The following SLC14A2 variants were observed in gnomAD, a reference collection of about 807,000 sequenced individuals.
SLC14A2 encodes the protein solute carrier family 14 member 2.
Under a neutral mutation model 104.6 loss-of-function variants are expected in SLC14A2, and 91 were observed. The ratio of observed to expected loss-of-function variants is 0.87; its 90% CI spans 0.73 to 1.04. The LOEUF (loss-of-function observed/expected upper bound fraction) is 1.04. SLC14A2 is among the 50% of genes least tolerant of loss of function. The pLI is 0.00. For missense variants in SLC14A2, 1,189 were observed against 1,156.0 expected, an observed-to-expected ratio of 1.03 and a Z score of -0.41; for synonymous variants, 476 against 466.4, an observed-to-expected ratio of 1.02 and a Z score of -0.27.
chr18:45,277,212 A>G (rs1332991551), intron 1 of SLC14A2, among the ~76,000 whole-genome samples: 1 of 152,178 alleles, frequency 6.6e-6, no homozygotes, highest in African/African-American at 2.4e-5. Context: ...TAGCTGTATG[A>G]CCTCGGACAA....
At chr18:45,329,322 G>GGGGAGC (rs1338569190) in intron 1 of SLC14A2, among the ~76,000 whole-genome samples, 8 of 152,134 alleles carry the variant, frequency 5.3e-5, no homozygotes, top group Non-Finnish European at 1.5e-5. Flanking sequence ...GACTGAACTT[G>GGGGAGC]GGGAGCCTTA....
At chr18:45,586,292 C>T (rs930680326) in intron 2 of SLC14A2, among the ~76,000 whole-genome samples, 4 of 152,066 alleles carry the variant, frequency 2.6e-5, no homozygotes, top group Admixed American at 2.6e-4. Flanking sequence ...GTGCAAAGGC[C>T]CTGAGGCAGC....
chr18:45,674,266 T>A (rs185184839), intron 18 of SLC14A2, among the ~76,000 whole-genome samples: 1 of 152,334 alleles, frequency 6.6e-6, no homozygotes, highest in East Asian at 1.9e-4. Flanking sequence ...GTTATATGAC[T>A]GGAAACCAAA....
intron 1 of SLC14A2, among the ~76,000 whole-genome samples, chr18:45,454,307 C>T (rs2086906440): frequency 1.3e-5 from 2 of 152,202 alleles, no homozygotes; most frequent in African/African-American, 4.8e-5. Flanking sequence ...TCCAGGTTCA[C>T]AGAGCTGTCT....
At chr18:45,233,512 G>C (rs1208662772) in intron 1 of SLC14A2, among the ~76,000 whole-genome samples, 1 of 152,116 alleles carries the variant, frequency 6.6e-6, no homozygotes, top group African/African-American at 2.4e-5. Flanking sequence ...CCTATTTCAT[G>C]GTCTTGCCCG....
chr18:45,598,920 C>A lies in SLC14A2; in HGVS notation c.-34-25711C>A, dbSNP rs66528651. ...AACTTTCTTACCCCAAGGGAAGGCT[C>A]TTCCTCCCAAGTATAATATTAAACT... On this transcript the variant is annotated intron_variant, in intron 2 of 20. Transcript: ENST00000586448. Among the ~76,000 whole-genome samples the A allele has an allele frequency of 4.6e-5, 7 of 152,268 alleles. 1 individual carries two copies. Among genetic ancestry groups the A allele is most frequent in the Admixed American group, 1.3e-4 (2 of 15,308 alleles).
At chr18:45,332,854 C>G (rs1471270376) in intron 1 of SLC14A2, among the ~76,000 whole-genome samples, 1 of 152,158 alleles carries the variant, frequency 6.6e-6, no homozygotes, top group African/African-American at 2.4e-5. Flanking sequence ...AGGGCTTGGT[C>G]CTGGTGACAT....
At chr18:45,325,129 A>G (rs572097919) in intron 1 of SLC14A2, among the ~76,000 whole-genome samples, 3 of 152,308 alleles carry the variant, frequency 2.0e-5, no homozygotes, top group African/African-American at 7.2e-5. Context: ...AAAACAATGA[A>G]AATTTAGGTG....
At chr18:45,442,524 C>A (rs2086696987) in intron 1 of SLC14A2, among the ~76,000 whole-genome samples, 1 of 152,128 alleles carries the variant, frequency 6.6e-6, no homozygotes, top group East Asian at 1.9e-4. Context: ...TCTCTATATC[C>A]AAATTTCCTC....
chr18:45,673,677 T>G lies in SLC14A2; in HGVS notation c.2378-6T>G. On this transcript the variant is annotated splice_polypyrimidine_tract_variant and splice_region_variant and intron_variant, in intron 17 of 19. Coordinates refer to ENST00000255226, the MANE Select transcript of SLC14A2 (RefSeq NM_007163.4). ...ACCCAACCCTGATGCCTGCCTTCTGTCACAGCACTCACTATTGCGACGCCC... is the reference window on the plus strand; with the variant it reads ...ACCCAACCCTGATGCCTGCCTTCTGGCACAGCACTCACTATTGCGACGCCC... The G allele has an allele frequency of 1.9e-5, 31 of 1,613,494 alleles. No homozygotes were observed. The highest frequency in any genetic ancestry group is 2.6e-5 in the Non-Finnish European group (31 of 1,179,458).
chr18:45,280,316 AGGG>A (rs1200991355), intron 1 of SLC14A2, among the ~76,000 whole-genome samples: 1 of 152,124 alleles, frequency 6.6e-6, no homozygotes, highest in Admixed American at 6.5e-5. Flanking sequence ...TGGGAGGAAA[AGGG>A]GCCTCAGTTC....
chr18:45,382,278 T>C (rs2085846840), intron 1 of SLC14A2, among the ~76,000 whole-genome samples: 2 of 147,036 alleles, frequency 1.4e-5, no homozygotes, highest in East Asian at 2.1e-4. Context: ...GTGCTAGATG[T>C]TGGGAATACA....
At chr18:45,232,531 C>T (rs1187747979) in intron 1 of SLC14A2, among the ~76,000 whole-genome samples, 1 of 152,152 alleles carries the variant, frequency 6.6e-6, no homozygotes, top group Admixed American at 6.6e-5. Context: ...TGTTCTAATT[C>T]TCTGGCATTC....
chr18:45,309,456 A>T (rs1002731712), intron 1 of SLC14A2, among the ~76,000 whole-genome samples: 1 of 146,294 alleles, frequency 6.8e-6, no homozygotes, highest in Admixed American at 6.7e-5. Context: ...CCCATTGTAC[A>T]GATGGATGAT....
At chr18:45,509,326 A>G (rs984183969) in intron 2 of SLC14A2, among the ~76,000 whole-genome samples, 42 of 151,762 alleles carry the variant, frequency 2.8e-4, no homozygotes, top group African/African-American at 2.4e-4. Flanking sequence ...CTGGCCATCA[A>G]TATCTGCTTG....
chr18:45,593,477 T>C (rs2044679698), intron 2 of SLC14A2, among the ~76,000 whole-genome samples: 1 of 146,398 alleles, frequency 6.8e-6, no homozygotes, highest in Admixed American at 7.2e-5. Context: ...AACTAAGCAT[T>C]TCCTTAATCT....
intron 1 of SLC14A2, among the ~76,000 whole-genome samples, chr18:45,286,155 C>T (rs1441002099): frequency 6.6e-6 from 1 of 152,208 alleles, no homozygotes; most frequent in Admixed American, 6.5e-5. Flanking sequence ...CAAGACTGGT[C>T]TTCCAAACTT....
At chr18:45,450,745 G>T (rs1267094180) in intron 1 of SLC14A2, among the ~76,000 whole-genome samples, 1 of 152,194 alleles carries the variant, frequency 6.6e-6, no homozygotes, top group East Asian at 1.9e-4. Flanking sequence ...TAGCCTCTGT[G>T]CTTGTCTTAG....
At chr18:45,381,067 A>G (rs1169634472) in intron 1 of SLC14A2, among the ~76,000 whole-genome samples, 1 of 152,188 alleles carries the variant, frequency 6.6e-6, no homozygotes, top group Non-Finnish European at 1.5e-5. Context: ...TTAGAACAGA[A>G]ATCTCACCTA....
Sources: allele counts gnomAD v4.1 joint callset (sites outside exome capture counted in the v4.1 genomes callset), GRCh38; gene constraint gnomAD v4.1.1; transcripts MANE v1.5; gene names NCBI Gene and HGNC (gene_info 2026-07-23, HGNC 2026-07-21).